The following DTWD2 variants were observed in gnomAD, a reference collection of about 807,000 sequenced individuals.
DTWD2 encodes the protein tRNA-uridine aminocarboxypropyltransferase 2.
DTWD2 carries 39 observed loss-of-function variants against 31.8 expected under a neutral mutation model. The observed-to-expected ratio is 1.22, with a 90% CI of 0.95 to 1.60. DTWD2 has a LOEUF of 1.60. Ranked by LOEUF, DTWD2 falls within the 40% of genes most tolerant of loss-of-function variation. The pLI, the probability that DTWD2 is intolerant of heterozygous loss-of-function variation, is 0.00. For missense variants in DTWD2, 515 were observed against 381.5 expected, an observed-to-expected ratio of 1.35 and a Z score of -2.92; for synonymous variants, 180 against 142.8, an observed-to-expected ratio of 1.26 and a Z score of -1.86.
intron 1 of DTWD2, among the ~76,000 whole-genome samples, chr5:118,978,316 C>A (rs1370831540): frequency 6.6e-6 from 1 of 152,130 alleles, no homozygotes; most frequent in Non-Finnish European, 1.5e-5. Flanking sequence ...TTGGCACGGG[C>A]CAAGATCTCA....
At position 118,946,753 on chromosome 5, in the gene DTWD2, C is replaced by A. The variant is rs78045537; in HGVS notation, c.219-2104G>T. Among the ~76,000 whole-genome samples the A allele has an allele frequency of 4.5e-3, 675 of 149,586 alleles. 2 individuals carry two copies. Among genetic ancestry groups the A allele is most frequent in the African/African-American group, 0.016 (645 of 40,772 alleles). On this transcript the variant is annotated intron_variant, in intron 1 of 5. Coordinates refer to ENST00000510708, the MANE Select transcript of DTWD2 (RefSeq NM_173666.4). ...GCTTTAATCTTTAAAAACAAACAAA[C>A]AAAAAAAAACAGAATCTCACTCTGT...
chr5:118,911,894 A>C (rs1430630103), intron 4 of DTWD2, among the ~76,000 whole-genome samples: 2 of 152,214 alleles, frequency 1.3e-5, no homozygotes, highest in Non-Finnish European at 2.9e-5. Flanking sequence ...TCAGGGGCAT[A>C]TGTGTGGGTG....
intron 4 of DTWD2, among the ~76,000 whole-genome samples, chr5:118,906,072 G>A (rs1056281552): frequency 2.0e-5 from 3 of 152,116 alleles, no homozygotes; most frequent in African/African-American, 7.2e-5. Flanking sequence ...CACCAAAGAT[G>A]ACAAATAAGC....
At chr5:118,945,880 T>C (rs1220475392) in intron 1 of DTWD2, among the ~76,000 whole-genome samples, 2 of 152,182 alleles carry the variant, frequency 1.3e-5, no homozygotes, top group Non-Finnish European at 2.9e-5. Flanking sequence ...GCAGATGTTA[T>C]ATGCCATTAC....
chr5:118,977,741 T>C (rs184258590), intron 1 of DTWD2, among the ~76,000 whole-genome samples: 4 of 152,288 alleles, frequency 2.6e-5, no homozygotes, highest in East Asian at 3.9e-4. Flanking sequence ...AGAATCAATA[T>C]TGTGAAAATG....
intron 2 of DTWD2, among the ~76,000 whole-genome samples, chr5:118,941,849 T>C (rs1754210512): frequency 1.3e-5 from 2 of 152,350 alleles, no homozygotes; most frequent in African/African-American, 4.8e-5. Flanking sequence ...TGTTGTTTCC[T>C]GACTTTTTAA....
At chr5:118,911,934 A>T (rs1753466959) in intron 4 of DTWD2, among the ~76,000 whole-genome samples, 1 of 152,216 alleles carries the variant, frequency 6.6e-6, no homozygotes, top group Non-Finnish European at 1.5e-5. Context: ...AAAGTACCAA[A>T]ACAAGGGGGC....
In DTWD2 at chr5:118,986,209, T is replaced by C. The variant is rs192356332; in HGVS notation, c.218+2085A>G. 3.2e-4 allele frequency among the ~76,000 whole-genome samples: 49 copies of C among 152,196 alleles called. No homozygotes were observed. The East Asian group carries it at 8.3e-3, about 26-fold the overall frequency. On this transcript the variant is annotated intron_variant, in intron 1 of 5. Transcript: ENST00000510708. ...TGTCTTTATCTGAAAAAAAAAATTA[T>C]ATACGTTTGGGAATGGGGGATAGGA...
chr5:118,881,027 T>C (rs1295018116), intron 4 of DTWD2, among the ~76,000 whole-genome samples: 1 of 152,200 alleles, frequency 6.6e-6, no homozygotes, highest in African/African-American at 2.4e-5. Context: ...ATTAAACTCA[T>C]AGTTTTAGTT....
intron 4 of DTWD2, among the ~76,000 whole-genome samples, chr5:118,874,128 G>C (rs868247275): frequency 2.0e-5 from 3 of 152,106 alleles, no homozygotes; most frequent in African/African-American, 7.2e-5. Flanking sequence ...AAAACCAGTC[G>C]ACTGAATCCA....
At chr5:118,891,320 C>T (rs547963037) in intron 4 of DTWD2, among the ~76,000 whole-genome samples, 12 of 152,120 alleles carry the variant, frequency 7.9e-5, no homozygotes, top group Non-Finnish European at 1.5e-4. Flanking sequence ...GTTTTACCCA[C>T]GATGCCCTAT....
At chr5:118,852,895 G>T (rs576607071) in intron 4 of DTWD2, among the ~76,000 whole-genome samples, 118 of 152,186 alleles carry the variant, frequency 7.8e-4, no homozygotes, top group African/African-American at 2.7e-3. Context: ...AAAAAAAAAT[G>T]AAATCATGTC....
chr5:118,911,858 C>G (rs2149571046), intron 4 of DTWD2, among the ~76,000 whole-genome samples: 1 of 152,328 alleles, frequency 6.6e-6, no homozygotes, highest in East Asian at 1.9e-4. Flanking sequence ...AGATGGCCAT[C>G]AGCAACTCCA....
intron 1 of DTWD2, among the ~76,000 whole-genome samples, chr5:118,961,655 A>T (rs948769693): frequency 6.6e-6 from 1 of 152,226 alleles, no homozygotes; most frequent in Non-Finnish European, 1.5e-5. Context: ...AGCAGGAATC[A>T]AAGATTAAAG....
At chr5:118,899,422 G>A (rs1753154133) in intron 4 of DTWD2, among the ~76,000 whole-genome samples, 1 of 152,176 alleles carries the variant, frequency 6.6e-6, no homozygotes, top group South Asian at 2.1e-4. Context: ...ACCTAATCCT[G>A]TATTTTCCCT....
intron 3 of DTWD2, among the ~76,000 whole-genome samples, 159 bp downstream of exon 3, chr5:118,939,037 G>A (rs965065533): frequency 1.3e-5 from 2 of 151,642 alleles, no homozygotes; most frequent in Admixed American, 1.3e-4. Context: ...GTTTTGTCTT[G>A]TATTATTTTG....
intron 4 of DTWD2, among the ~76,000 whole-genome samples, chr5:118,921,907 A>G (rs1045248226): frequency 2.6e-5 from 4 of 152,252 alleles, no homozygotes; most frequent in Non-Finnish European, 5.9e-5. Flanking sequence ...TAACAGCTCT[A>G]TGTGGACACA....
chr5:118,844,758 G>T (rs1041593027), intron 5 of DTWD2, among the ~76,000 whole-genome samples: 1 of 152,168 alleles, frequency 6.6e-6, no homozygotes, highest in Non-Finnish European at 1.5e-5. Context: ...GTGAGGATGA[G>T]ACAACAGATT....
chr5:118,914,292 ACT>A (rs1205601009), intron 4 of DTWD2, among the ~76,000 whole-genome samples: 1 of 152,060 alleles, frequency 6.6e-6, no homozygotes, highest in African/African-American at 2.4e-5. Flanking sequence ...TCTTTCTCCT[ACT>A]CTCTTTCTGT....
Sources: gnomAD v4.1 joint callset for allele counts (sites outside exome capture counted in the v4.1 genomes callset) on GRCh38, gnomAD v4.1.1 for gene constraint, MANE v1.5 for transcripts, NCBI Gene and HGNC (gene_info 2026-07-23, HGNC 2026-07-21) for gene names.